RB1CC1: variants seen among roughly 807,000 people sequenced by gnomAD.
RB1CC1 encodes RB1-inducible coiled-coil protein 1.
A neutral mutation model predicts 177.5 loss-of-function variants in RB1CC1; 46 were observed. The observed-to-expected ratio is 0.26, with a 90% CI of 0.20 to 0.33. The LOEUF (loss-of-function observed/expected upper bound fraction) is 0.33. RB1CC1 is among the 10% of genes least tolerant of loss of function. RB1CC1 has a pLI of 1.00. For synonymous variants in RB1CC1, 666 were observed against 613.6 expected (o/e 1.09, Z -1.26); for missense variants, 1,703 against 1,816.3 (o/e 0.94, Z 1.13).
At chr8:52,671,606 C>T (rs564962712) in intron 7 of RB1CC1, among the ~76,000 whole-genome samples, 24 of 152,292 alleles carry the variant, frequency 1.6e-4, no homozygotes, top group Middle Eastern at 3.4e-3. Context: ...CCATTCATTA[C>T]GCAATACATC....
chr8:52,663,601 T>A (rs1851814866), intron 8 of RB1CC1, among the ~76,000 whole-genome samples: 2 of 152,116 alleles, frequency 1.3e-5, no homozygotes, highest in Non-Finnish European at 2.9e-5. Context: ...AGATGTAAAA[T>A]CAACTCCTAA....
At chr8:52,642,903 C>G in intron 16 of RB1CC1, 91 bp from the exon 17 acceptor site, 2 of 1,278,954 alleles carry the variant, frequency 1.6e-6, no homozygotes, top group Non-Finnish European at 2.0e-6. Flanking sequence ...TTTTCTGTGG[C>G]ACATTTGTAC....
At chr8:52,667,995 T>A in intron 8 of RB1CC1, 26 bp downstream of exon 8, 1 of 1,584,470 alleles carries the variant, frequency 6.3e-7, no homozygotes. Flanking sequence ...AAATTCCTTT[T>A]CCTGAGAAAA....
chr8:52,713,075 A>G (rs1204688014), intron 1 of RB1CC1, among the ~76,000 whole-genome samples: 1 of 152,250 alleles, frequency 6.6e-6, no homozygotes, highest in Non-Finnish European at 1.5e-5. Flanking sequence ...ACTTATGTAT[A>G]AATCATACAA....
intron 12 of RB1CC1, among the ~76,000 whole-genome samples, chr8:52,660,099 A>C (rs1437102544): frequency 6.6e-6 from 1 of 152,168 alleles, no homozygotes; most frequent in Non-Finnish European, 1.5e-5. Context: ...ACAATTAATG[A>C]CCCCAGATAA....
At chr8:52,649,109 G>C (rs1261797326) in intron 15 of RB1CC1, among the ~76,000 whole-genome samples, 3 of 152,130 alleles carry the variant, frequency 2.0e-5, no homozygotes, top group African/African-American at 7.2e-5. Context: ...AACCATAAGA[G>C]CGAAATCACA....
intron 15 of RB1CC1, among the ~76,000 whole-genome samples, chr8:52,650,769 C>T (rs1217480892): frequency 1.3e-5 from 2 of 152,142 alleles, no homozygotes; most frequent in Admixed American, 6.6e-5. Context: ...CATAACAGTA[C>T]ACACTTGTAG....
At position 52,702,602 on chromosome 8, in the gene RB1CC1, G is replaced by A. The variant is rs965630327; in HGVS notation, c.-167+11473C>T. 3.9e-5 allele frequency among the ~76,000 whole-genome samples: 6 copies of A among 152,156 alleles called. No individual in the cohort carries two copies. In the South Asian group the frequency reaches 1.0e-3, roughly 26 times the overall value. ...ATGCTGGCTCTCGCCTGTAATCCCA[G>A]CTACTCAGGAGGCTGAGGCAGGAGG... On this transcript the variant is annotated intron_variant, in intron 1 of 23. Transcript: ENST00000025008.
At chr8:52,670,722 C>G (rs1427959523) in intron 7 of RB1CC1, among the ~76,000 whole-genome samples, 1 of 152,196 alleles carries the variant, frequency 6.6e-6, no homozygotes, top group Non-Finnish European at 1.5e-5. Context: ...TGCAGTGGCT[C>G]ACACCTGTAA....
intron 15 of RB1CC1, among the ~76,000 whole-genome samples, chr8:52,650,054 G>A (rs1850429218): frequency 6.6e-6 from 1 of 152,098 alleles, no homozygotes; most frequent in South Asian, 2.1e-4. Context: ...TACTGTGGGA[G>A]CTACAGACAT....
intron 23 of RB1CC1, 147 bp from the exon 24 acceptor site, chr8:52,624,006 T>C: frequency 3.2e-6 from 2 of 619,798 alleles, no homozygotes; most frequent in South Asian, 1.9e-5. Context: ...ATATTACTCA[T>C]TGCTGAGTAT....
At chr8:52,685,213 A>G (rs1395164785) in intron 3 of RB1CC1, among the ~76,000 whole-genome samples, 186 bp downstream of exon 3, 1 of 152,120 alleles carries the variant, frequency 6.6e-6, no homozygotes, top group Non-Finnish European at 1.5e-5. Flanking sequence ...CATGTTGGCC[A>G]GGATGGTCTC....
Position 52,714,237 on chromosome 8 carries a change from C to G in RB1CC1, c.-329G>C, listed in dbSNP as rs1857314042. 1.3e-5 allele frequency: 3 copies of G among 223,182 alleles called. No homozygotes were observed. The highest frequency in any genetic ancestry group is 7.7e-5 in the South Asian group (2 of 25,944). 13.8% of individuals were successfully genotyped at this position (223,182 alleles called of 1,614,324 possible). On this transcript the variant is annotated 5_prime_UTR_variant, in exon 1 of 24. Transcript: ENST00000025008. Reference sequence around the variant, plus strand: ...CCCGGGCGCCCGCCCGCCGCGGCCCCGAACTCTAGGAGGCAGGGAGGGGTC... The same window carrying G: ...CCCGGGCGCCCGCCCGCCGCGGCCCGGAACTCTAGGAGGCAGGGAGGGGTC...
chr8:52,670,068 C>A (rs1262856572), intron 7 of RB1CC1, among the ~76,000 whole-genome samples: 1 of 152,152 alleles, frequency 6.6e-6, no homozygotes, highest in African/African-American at 2.4e-5. Flanking sequence ...GCATCCCTAA[C>A]TGCTGGGACT....
chr8:52,661,560 C>A lies in RB1CC1; in HGVS notation c.1333G>T (p.Ala445Ser). The A allele has an allele frequency of 6.2e-7, 1 of 1,607,492 alleles. No individual in the cohort carries two copies. The highest frequency in any genetic ancestry group is 8.5e-7 in the Non-Finnish European group (1 of 1,177,464). Residue 445 changes from alanine to serine, a missense_variant, in exon 9 of 24, where the codon GCA becomes TCA. Transcript: ENST00000025008. ...TTCAGTCTGACATGTAGGTTATTTGCTAGTTCTTGTTTGGCAGTGGTACAC... is the reference window on the plus strand; with the variant it reads ...TTCAGTCTGACATGTAGGTTATTTGATAGTTCTTGTTTGGCAGTGGTACAC... ...QKCTTAKQEL[A>S]NNLHVRLKWC...
At chr8:52,698,814 G>A (rs972094890) in intron 1 of RB1CC1, among the ~76,000 whole-genome samples, 15 of 148,426 alleles carry the variant, frequency 1.0e-4, no homozygotes, top group African/African-American at 3.5e-4. Context: ...CCTCAGCCTC[G>A]GAGTAGCTGG....
At chr8:52,663,019 A>G (rs1851761868) in intron 8 of RB1CC1, among the ~76,000 whole-genome samples, 1 of 152,160 alleles carries the variant, frequency 6.6e-6, no homozygotes, top group Non-Finnish European at 1.5e-5. Context: ...TGCTAAAAGA[A>G]GGAAAAAATA....
At chr8:52,694,653 A>G (rs1855211133) in intron 1 of RB1CC1, among the ~76,000 whole-genome samples, 1 of 152,188 alleles carries the variant, frequency 6.6e-6, no homozygotes, top group African/African-American at 2.4e-5. Flanking sequence ...TACTTTAGTT[A>G]ATACCAGGCA....
At position 52,628,052 on chromosome 8, in the gene RB1CC1, T is replaced by C. The variant is rs745598827; in HGVS notation, c.4616A>G (p.Asp1539Gly). The C allele has an allele frequency of 5.6e-6, 9 of 1,600,080 alleles. No individual in the cohort carries two copies. The highest frequency in any genetic ancestry group is 1.4e-5 in the African/African-American group (1 of 73,966). The stretch of plus-strand genomic sequence containing the variant: ...CTTACCACCCTCACCTGGTTTGAGA[T>C]CCAGGGCAGGTAGAGACTCTGAATG... ...FLHSESLPAL[D>G]LKPGEGASGA... Residue 1539 changes from aspartate to glycine, a missense_variant, in exon 22 of 24, where the codon GAT becomes GGT. Physicochemically the swap from Asp to Gly is moderately conservative, Grantham distance 94. Coordinates refer to ENST00000025008, the MANE Select transcript of RB1CC1 (RefSeq NM_014781.5).
Sources: allele counts gnomAD v4.1 joint callset (sites outside exome capture counted in the v4.1 genomes callset), GRCh38; gene constraint gnomAD v4.1.1; transcripts MANE v1.5; gene names NCBI Gene and HGNC (gene_info 2026-07-23, HGNC 2026-07-21).